Variants in RABL2B observed in about 807,000 individuals in gnomAD.
RABL2B encodes rab-like protein 2B.
In RABL2B, 17 loss-of-function variants were observed where a neutral mutation model predicts 26.7. That is an observed-to-expected ratio of 0.64 (90% CI 0.44 to 0.95). RABL2B has a LOEUF of 0.95. Ranked by LOEUF, RABL2B falls within the 40% of genes least tolerant of loss-of-function variation. The probability of loss-of-function intolerance (pLI) is 0.00; values close to 1 mark genes in which losing one functional copy is unlikely to be tolerated. For synonymous variants in RABL2B, 70 were observed against 103.9 expected (o/e 0.67, Z 1.99); for missense variants, 170 against 277.2 (o/e 0.61, Z 2.75).
At chr22:50,781,343 C>CG (rs1263511006) in intron 2 of RABL2B, among the ~76,000 whole-genome samples, 34 of 59,676 alleles carry the variant, frequency 5.7e-4, no homozygotes, top group African/African-American at 2.0e-3. Flanking sequence ...GACTCCGTCT[C>CG]AAAAAAAAAA....
At chr22:50,772,799 CTT>C in intron 5 of RABL2B, 1 of 1,134,506 alleles carries the variant, frequency 8.8e-7, no homozygotes, top group South Asian at 2.1e-5. Context: ...GCTCAGATGC[CTT>C]TTGTCCAGGT....
intron 2 of RABL2B, among the ~76,000 whole-genome samples, chr22:50,781,195 T>C (rs1471999311): frequency 6.6e-6 from 1 of 151,740 alleles, no homozygotes; most frequent in Non-Finnish European, 1.5e-5. Context: ...AAAAATAAAA[T>C]TAGCTGGGTG....
chr22:50,771,625 T>A (rs1445198805), intron 5 of RABL2B: 1 of 151,512 alleles, frequency 6.6e-6, no homozygotes, highest in African/African-American at 2.4e-5. Context: ...CTGCTTTTTG[T>A]TTTTTGAGAT....
intron 4 of RABL2B, 43 bp downstream of exon 4, chr22:50,776,627 C>T (rs782501140): frequency 2.5e-6 from 4 of 1,571,190 alleles, no homozygotes; most frequent in South Asian, 2.3e-5. Flanking sequence ...CTCCCATTTC[C>T]TCTTTCCTGA....
chr22:50,769,570 G>C lies in RABL2B; in HGVS notation c.410-18C>G. ...TATGTCTGCTGTAGAGAGAAGGTAG[G>C]ACATTGGTCTGTCTGTCAAGGGAAG... On this transcript the variant is annotated intron_variant, in intron 6 of 8. Coordinates refer to ENST00000691320, the MANE Select transcript of RABL2B (RefSeq NM_001130919.3). The C allele has an allele frequency of 1.2e-6, 2 of 1,609,730 alleles. No individual in the cohort carries two copies. The highest frequency in any genetic ancestry group is 1.7e-6 in the Non-Finnish European group (2 of 1,179,586).
At chr22:50,779,089 T>G (rs2085410987) in intron 2 of RABL2B, among the ~76,000 whole-genome samples, 1 of 150,436 alleles carries the variant, frequency 6.6e-6, no homozygotes, top group South Asian at 2.1e-4. Flanking sequence ...GCTCAGAAAG[T>G]GCAGGAGGAA....
At chr22:50,772,751 T>A in intron 5 of RABL2B, 1 of 1,083,516 alleles carries the variant, frequency 9.2e-7, no homozygotes, top group Non-Finnish European at 1.1e-6. Flanking sequence ...TTATAAAGGA[T>A]GTCTGTAACT....
rs1341248818 is a variant in RABL2B, at chr22:50,779,163, C to G, written c.108-1182G>C. ...CAGTGGAAGAATAAAAACACAGGCACAGAGGGATTTTCTTAAGGAAAAGTT... is the reference window on the plus strand; with the variant it reads ...CAGTGGAAGAATAAAAACACAGGCAGAGAGGGATTTTCTTAAGGAAAAGTT... On this transcript the variant is annotated intron_variant, in intron 2 of 8. Transcript: ENST00000691320. Among the ~76,000 whole-genome samples the G allele has an allele frequency of 2.0e-5, 3 of 151,032 alleles. No homozygotes were observed. In the East Asian group the frequency reaches 5.9e-4, roughly 30 times the overall value.
Position 50,777,369 on chromosome 22 carries a change from G to A in RABL2B, c.137+583C>T, listed in dbSNP as rs375830282. ...CACATACTCAGATCTTAAGGCAACT[G>A]AGCCTTGGGGTGCCGAGCCTAGGAC... is the stretch of plus-strand genomic sequence containing the variant. On this transcript the variant is annotated intron_variant, in intron 3 of 8. Transcript: ENST00000691320. Among the ~76,000 whole-genome samples the A allele has an allele frequency of 3.1e-4, 47 of 149,428 alleles. 2 individuals are homozygous for A. The East Asian group carries it at 6.3e-3, about 20-fold the overall frequency.
chr22:50,775,899 C>T (rs370136363), intron 4 of RABL2B, 48 bp from the exon 5 acceptor site: 1 of 1,613,830 alleles, frequency 6.2e-7, no homozygotes, highest in Non-Finnish European at 8.5e-7. Context: ...CACTTCTGTG[C>T]AAGTCACTAA....
At position 50,767,705 on chromosome 22, in the gene RABL2B, A is replaced by C; in HGVS notation, c.*1071T>G. The C allele has an allele frequency of 2.2e-6, 1 of 454,892 alleles. No individual in the cohort carries two copies. The highest frequency in any genetic ancestry group is 1.6e-5 in the South Asian group (1 of 64,322). The allele number at this position is 454,892 out of a possible 1,614,324, so 28.2% of individuals were successfully genotyped here. On this transcript the variant is annotated 3_prime_UTR_variant, in exon 9 of 9. Transcript: ENST00000691320. Reference sequence around the variant, plus strand: ...CCACAGGAGGCACAAGGTCCAAACTATTCCTCAAAAAAAAGGACAGCCTCT... The same window carrying C: ...CCACAGGAGGCACAAGGTCCAAACTCTTCCTCAAAAAAAAGGACAGCCTCT...
intron 2 of RABL2B, among the ~76,000 whole-genome samples, chr22:50,780,158 A>AG (rs1441335674): frequency 6.6e-6 from 1 of 151,500 alleles, no homozygotes; most frequent in African/African-American, 2.4e-5. Flanking sequence ...ACCTGTTCAC[A>AG]GGGGGTAGGG....
rs372820331 is a variant in RABL2B, at chr22:50,777,869, C to G, written c.137+83G>C. On this transcript the variant is annotated intron_variant, in intron 3 of 8. Coordinates refer to ENST00000691320, the MANE Select transcript of RABL2B (RefSeq NM_001130919.3). ...AATCCTCCTTCCTGGGCTGCTGGTA[C>G]AAAGGTGTGGGCAGTGGGACACTGA... is the stretch of plus-strand genomic sequence containing the variant. The G allele has an allele frequency of 3.7e-5, 59 of 1,607,030 alleles. No individual in the cohort carries two copies. The African/African-American group carries it at 6.8e-4, about 19-fold the overall frequency.
At chr22:50,773,927 C>A (rs1555921094) in intron 5 of RABL2B, among the ~76,000 whole-genome samples, 9 of 152,060 alleles carry the variant, frequency 5.9e-5, no homozygotes. Context: ...CGGAGTCTCG[C>A]TCTGTCGCCG....
chr22:50,776,673 C>A lies in RABL2B; in HGVS notation c.214G>T (p.Val72Leu), dbSNP rs1555924334. ...GTCTTGGCCCTGTGCCACTTACCCACAAGGATGGTCCTTCCATCTACCGTG... is the reference window on the plus strand; with the variant it reads ...GTCTTGGCCCTGTGCCACTTACCCAAAAGGATGGTCCTTCCATCTACCGTG... ...TATVDGRTILVDFWDTAGQER... is the reference protein window; with the variant it reads ...TATVDGRTILLDFWDTAGQER... The change falls in exon 4 of 9, where the codon GTG (valine) becomes TTG (leucine). Residue 72 changes from valine (V) to leucine (L), a missense_variant. Physicochemically the swap from Val to Leu is conservative, Grantham distance 32. Coordinates refer to ENST00000691320, the MANE Select transcript of RABL2B (RefSeq NM_001130919.3). 6.2e-7 allele frequency: 1 copy of A among 1,608,896 alleles called. No homozygotes were observed.
At chr22:50,781,172 C>T (rs553519462) in intron 2 of RABL2B, among the ~76,000 whole-genome samples, 1 of 152,080 alleles carries the variant, frequency 6.6e-6, no homozygotes, top group South Asian at 2.1e-4. Flanking sequence ...AGCCCCGTCT[C>T]TACTAAAAAT....
chr22:50,772,873 A>G (rs1555919936), intron 5 of RABL2B: 2 of 1,193,634 alleles, frequency 1.7e-6, no homozygotes, highest in South Asian at 1.6e-5. Context: ...TAGAATGAGG[A>G]GCATCCCCAT....
chr22:50,775,509 T>G (rs2084842099), intron 5 of RABL2B, among the ~76,000 whole-genome samples: 1 of 152,144 alleles, frequency 6.6e-6, no homozygotes. Context: ...CATGTTTGCC[T>G]CTTGGATGCT....
chr22:50,770,804 C>T (rs1452540007), intron 5 of RABL2B, among the ~76,000 whole-genome samples: 2 of 151,758 alleles, frequency 1.3e-5, no homozygotes, highest in East Asian at 3.9e-4. Flanking sequence ...GGCTAGAATG[C>T]AGTGGCTCAA....
Sources: gnomAD v4.1 joint callset for allele counts (sites outside exome capture counted in the v4.1 genomes callset) on GRCh38, gnomAD v4.1.1 for gene constraint, MANE v1.5 for transcripts, NCBI Gene and HGNC (gene_info 2026-07-23, HGNC 2026-07-21) for gene names.